The following SLX4IP variants were observed in gnomAD, a reference collection of about 807,000 sequenced individuals.
SLX4IP encodes protein SLX4IP.
In SLX4IP, 34 loss-of-function variants were observed where a neutral mutation model predicts 32.9. That is an observed-to-expected ratio of 1.03 (90% CI 0.79 to 1.38). The LOEUF (loss-of-function observed/expected upper bound fraction) is 1.38, where lower values mean the gene tolerates loss of function less well. Among genes scored for constraint, SLX4IP ranks in the 40% most tolerant of loss-of-function variants. SLX4IP has a pLI of 0.00. For missense variants in SLX4IP, 444 were observed against 479.0 expected (o/e 0.93, Z 0.68); for synonymous variants, 172 against 171.7 (o/e 1.00, Z -0.01).
intron 1 of SLX4IP, among the ~76,000 whole-genome samples, chr20:10,452,678 A>ATGT (rs1365793671): frequency 5.1e-5 from 5 of 97,788 alleles, no homozygotes. Flanking sequence ...AAAAAAAAAA[A>ATGT]AAATATATAT....
intron 4 of SLX4IP, among the ~76,000 whole-genome samples, chr20:10,578,389 T>G (rs955096226): frequency 1.3e-5 from 2 of 152,238 alleles, no homozygotes; most frequent in African/African-American, 4.8e-5. Context: ...CAAGATTCGT[T>G]CATTTTATAA....
chr20:10,459,266 T>G (rs2065315977), intron 2 of SLX4IP, among the ~76,000 whole-genome samples: 1 of 152,216 alleles, frequency 6.6e-6, no homozygotes, highest in Non-Finnish European at 1.5e-5. Flanking sequence ...ATATTAGACC[T>G]TTGTCAAATG....
At chr20:10,460,573 G>A (rs780993961) in intron 2 of SLX4IP, among the ~76,000 whole-genome samples, 41 of 152,284 alleles carry the variant, frequency 2.7e-4, no homozygotes, top group Non-Finnish European at 4.9e-4. Flanking sequence ...CTACCCCGGT[G>A]GCTGAGTTTT....
At chr20:10,518,421 T>TTCCTTCCC in intron 2 of SLX4IP, among the ~76,000 whole-genome samples, 1 of 110,816 alleles carries the variant, frequency 9.0e-6, no homozygotes, top group African/African-American at 3.1e-5. Flanking sequence ...CCTTCCTTCC[T>TTCCTTCCC]TCCCTCCCTC....
At chr20:10,486,360 A>G (rs1313117158) in intron 2 of SLX4IP, among the ~76,000 whole-genome samples, 1 of 152,102 alleles carries the variant, frequency 6.6e-6, no homozygotes, top group Admixed American at 6.5e-5. Flanking sequence ...TGGTTAGACT[A>G]TTAGAACGGT....
chr20:10,621,476 T>G, intron 7 of SLX4IP, 62 bp downstream of exon 7: 2 of 1,442,034 alleles, frequency 1.4e-6, no homozygotes, highest in Non-Finnish European at 1.9e-6. Flanking sequence ...ATAGATAACA[T>G]GAAGTCCAGA....
rs665982 is a variant in SLX4IP at position 10,601,594 on chromosome 20, T to C, written c.317-137T>C. The stretch of plus-strand genomic sequence containing the variant: ...CTATTGACGGCAAACACCGAAAGGA[T>C]GGGAGGAGAGAAGAGACGTATGTTT... On this transcript the variant is annotated intron_variant, in intron 5 of 7. Transcript: ENST00000334534. 8.4e-3 allele frequency: 5,501 copies of C among 656,706 alleles called. 44 individuals are homozygous for C. Among genetic ancestry groups the C allele is most frequent in the Non-Finnish European group, 0.011 (4,143 of 380,594 alleles). 40.7% of individuals were successfully genotyped at this position (656,706 alleles called of 1,614,324 possible). A position where few individuals can be genotyped will look rare whatever the true frequency, so the allele number is the denominator to read the frequency against.
At chr20:10,619,666 C>T (rs1164536763) in intron 6 of SLX4IP, among the ~76,000 whole-genome samples, 1 of 152,134 alleles carries the variant, frequency 6.6e-6, no homozygotes, top group Non-Finnish European at 1.5e-5. Flanking sequence ...ACTCATGCTC[C>T]TTATGTTAAT....
chr20:10,525,800 A>T (rs553319880), intron 2 of SLX4IP, among the ~76,000 whole-genome samples: 1 of 152,114 alleles, frequency 6.6e-6, no homozygotes, highest in East Asian at 1.9e-4. Context: ...CACAGACGTC[A>T]TTTTCTGTTT....
At chr20:10,452,685 A>ATATG (rs1555805200) in intron 1 of SLX4IP, among the ~76,000 whole-genome samples, 9 of 140,168 alleles carry the variant, frequency 6.4e-5, no homozygotes, top group Non-Finnish European at 1.4e-4. Context: ...AAAAAAATAT[A>ATATG]TATATATATA....
At chr20:10,488,605 C>T (rs1166565055) in intron 2 of SLX4IP, among the ~76,000 whole-genome samples, 2 of 152,134 alleles carry the variant, frequency 1.3e-5, no homozygotes, top group South Asian at 2.1e-4. Context: ...TCAGTCTCCT[C>T]GTCTTCTGCT....
At chr20:10,535,681 T>G (rs2066035634) in intron 2 of SLX4IP, among the ~76,000 whole-genome samples, 1 of 152,176 alleles carries the variant, frequency 6.6e-6, no homozygotes, top group African/African-American at 2.4e-5. Context: ...GGTTTCATCC[T>G]TAGTCTCATG....
chr20:10,542,040 A>G (rs1456953115), intron 2 of SLX4IP, among the ~76,000 whole-genome samples: 2 of 152,204 alleles, frequency 1.3e-5, no homozygotes, highest in Non-Finnish European at 2.9e-5. Flanking sequence ...ACAAACAAAA[A>G]ACCAGGAAGC....
At position 10,493,485 on chromosome 20, in the gene SLX4IP, A is replaced by G. The variant is rs144010510; in HGVS notation, c.27+35254A>G. Among the ~76,000 whole-genome samples, 616 of 152,298 alleles carry G rather than the reference A, an allele frequency of 4.0e-3. 3 individuals carry two copies. The highest frequency in any genetic ancestry group is 6.4e-3 in the Non-Finnish European group (433 of 68,026). The stretch of plus-strand genomic sequence containing the variant: ...CTCCCATATTTTAATAGTTTTTCCA[A>G]GATTCTTTTGAATATTTTATGTATA... On this transcript the variant is annotated intron_variant, in intron 2 of 7. Coordinates refer to ENST00000334534, the MANE Select transcript of SLX4IP (RefSeq NM_001009608.3).
chr20:10,607,184 T>C (rs1643493634), intron 6 of SLX4IP, among the ~76,000 whole-genome samples: 2 of 152,222 alleles, frequency 1.3e-5, no homozygotes, highest in South Asian at 2.1e-4. Context: ...TGTGTCTGCC[T>C]CTGCCACACC....
chr20:10,474,674 G>A (rs1032189278), intron 2 of SLX4IP, among the ~76,000 whole-genome samples: 6 of 152,198 alleles, frequency 3.9e-5, no homozygotes, highest in South Asian at 2.1e-4. Flanking sequence ...CTCCACTTCC[G>A]CCGGCCGCCT....
chr20:10,466,189 A>T (rs1223873035), intron 2 of SLX4IP, among the ~76,000 whole-genome samples: 1 of 152,232 alleles, frequency 6.6e-6, no homozygotes, highest in Non-Finnish European at 1.5e-5. Flanking sequence ...AGGAAAGTTT[A>T]TGTGTCCACC....
intron 2 of SLX4IP, among the ~76,000 whole-genome samples, chr20:10,535,458 A>G (rs1476113901): frequency 6.6e-6 from 1 of 152,088 alleles, no homozygotes; most frequent in Non-Finnish European, 1.5e-5. Flanking sequence ...AGTAGCTGGG[A>G]TTACAGGTGC....
intron 1 of SLX4IP, among the ~76,000 whole-genome samples, chr20:10,453,580 A>G (rs1396308484): frequency 1.3e-5 from 2 of 151,906 alleles, no homozygotes; most frequent in African/African-American, 4.8e-5. Context: ...TTGCATAAGA[A>G]TTTTTTTTCT....
Sources: allele counts gnomAD v4.1 joint callset (sites outside exome capture counted in the v4.1 genomes callset), GRCh38; gene constraint gnomAD v4.1.1; transcripts MANE v1.5; gene names NCBI Gene and HGNC (gene_info 2026-07-23, HGNC 2026-07-21).